CKLF: variants seen among roughly 807,000 people sequenced by gnomAD.
The protein encoded by CKLF is chemokine like factor.
A neutral mutation model predicts 12.9 loss-of-function variants in CKLF; 16 were observed. That is an observed-to-expected ratio of 1.24 (90% CI 0.84 to 1.88). CKLF has a LOEUF of 1.88. Ranked by LOEUF, CKLF falls within the 40% of genes most tolerant of loss-of-function variation. The pLI is 0.00. For missense variants in CKLF, 172 were observed against 188.5 expected (o/e 0.91, Z 0.51); for synonymous variants, 61 against 69.0 (o/e 0.88, Z 0.57).
rs1056817258 is a variant in CKLF, at chr16:66,563,217, G to A, written c.333G>A (p.Gly111=). The A allele has an allele frequency of 6.2e-7, 1 of 1,612,572 alleles. No homozygotes were observed. Among genetic ancestry groups the A allele is most frequent in the Non-Finnish European group, 8.5e-7 (1 of 1,179,674 alleles). The change falls in exon 3 of 4, where the codon GGG becomes GGA. Residue 111 remains glycine (G), a splice_region_variant and synonymous_variant. Coordinates refer to ENST00000264001, the MANE Select transcript of CKLF (RefSeq NM_016951.4). ...CCACAACATTGACAGTTGGTGGAGG[G>A]GTAAGTGGAAGTCTTTCTGCTTGCT... ...PETTTLTVGG[G]VFALVTAVCC... is the part of the protein sequence containing the mutation.
intron 1 of CKLF, among the ~76,000 whole-genome samples, chr16:66,553,719 T>C (rs1325242261): frequency 3.3e-5 from 5 of 152,216 alleles, no homozygotes; most frequent in African/African-American, 9.6e-5. Context: ...AGGAATCTTA[T>C]ATTGGGAGAG....
At chr16:66,554,084 TGG>T (rs1440292739) in intron 1 of CKLF, among the ~76,000 whole-genome samples, 1 of 152,242 alleles carries the variant, frequency 6.6e-6, no homozygotes, top group Non-Finnish European at 1.5e-5. Context: ...CATGTGAGAA[TGG>T]TCCTGTGAGA....
Position 66,552,712 on chromosome 16 carries a change from C to T in CKLF, c.-4C>T. ...AAAGTGCTGCTGCTGGGTCTGCAGA[C>T]GCGATGGATAACGTGCAGCCGAAAA... On this transcript the variant is annotated 5_prime_UTR_variant, in exon 1 of 4. The change creates a new upstream start codon in the 5' untranslated region. Transcript: ENST00000264001. 1 of 1,614,140 alleles carries T rather than the reference C, an allele frequency of 6.2e-7. No homozygotes were observed. Among genetic ancestry groups the T allele is most frequent in the Non-Finnish European group, 8.5e-7 (1 of 1,180,030 alleles).
chr16:66,562,624 A>G (rs1208204024), intron 2 of CKLF, among the ~76,000 whole-genome samples: 1 of 152,228 alleles, frequency 6.6e-6, no homozygotes, highest in Non-Finnish European at 1.5e-5. Context: ...TAGACCAGAT[A>G]CTATCTAGGT....
rs1419086455 is a variant in CKLF, at chr16:66,552,681, T to G, written c.-35T>G. 1.9e-6 allele frequency: 3 copies of G among 1,613,812 alleles called. No individual in the cohort carries two copies. The highest frequency in any genetic ancestry group is 2.5e-6 in the Non-Finnish European group (3 of 1,179,954). ...ACTCAGGCAGCCAGCTGAGAAGAGT[T>G]GAGGGAAAGTGCTGCTGCTGGGTCT... is the stretch of plus-strand genomic sequence containing the variant. On this transcript the variant is annotated 5_prime_UTR_variant, in exon 1 of 4. Coordinates refer to ENST00000264001, the MANE Select transcript of CKLF (RefSeq NM_016951.4).
At chr16:66,552,891 A>G (rs775738114) in intron 1 of CKLF, 98 bp downstream of exon 1, 37 of 1,565,224 alleles carry the variant, frequency 2.4e-5, no homozygotes, top group African/African-American at 1.2e-4. Flanking sequence ...TTGCTTTTCA[A>G]CCTCGCTTTG....
chr16:66,560,392 T>G (rs1397754966), intron 2 of CKLF, among the ~76,000 whole-genome samples: 1 of 152,102 alleles, frequency 6.6e-6, no homozygotes, highest in Admixed American at 6.5e-5. Flanking sequence ...AGTAGCATGA[T>G]CAGATGATCA....
At position 66,558,277 on chromosome 16, in the gene CKLF, A is replaced by G. The variant is rs767635041; in HGVS notation, c.166A>G (p.Ile56Val). The G allele has an allele frequency of 3.7e-6, 6 of 1,613,734 alleles. No individual in the cohort carries two copies. In the East Asian group the frequency reaches 1.3e-4, roughly 36 times the overall value. ...TATCACTGGATTTGAAGTCACCGTT[A>G]TCTTATTTTTCATACTTTTATATGT... ...IVITGFEVTV[I>V]LFFILLYVLR... Residue 56 changes from isoleucine (I) to valine (V), a missense_variant, in exon 2 of 4, where the codon ATC becomes GTC. Coordinates refer to ENST00000264001, the MANE Select transcript of CKLF (RefSeq NM_016951.4).
intron 3 of CKLF, among the ~76,000 whole-genome samples, chr16:66,564,268 G>A (rs2011972409): frequency 6.6e-6 from 1 of 152,134 alleles, no homozygotes. Context: ...CTAGCCACAT[G>A]GGGCTACTGA....
chr16:66,565,932 T>G lies in CKLF; in HGVS notation c.380T>G (p.Leu127Arg), dbSNP rs754689025. 6.2e-7 allele frequency: 1 copy of G among 1,614,132 alleles called. No individual in the cohort carries two copies. The highest frequency in any genetic ancestry group is 8.5e-7 in the Non-Finnish European group (1 of 1,179,962). The part of the protein sequence containing the change: ...TAVCCLADGA[L>R]IYRKLLFNPS... Reference sequence around the variant, plus strand: ...GTATGCTGTCTTGCCGACGGGGCCCTTATTTACCGGAAGCTTCTGTTCAAT... The same window carrying G: ...GTATGCTGTCTTGCCGACGGGGCCCGTATTTACCGGAAGCTTCTGTTCAAT... Residue 127 changes from leucine to arginine, a missense_variant, in exon 4 of 4, where the codon CTT becomes CGT. Transcript: ENST00000264001.
At chr16:66,559,589 T>A (rs951738611) in intron 2 of CKLF, among the ~76,000 whole-genome samples, 1 of 152,238 alleles carries the variant, frequency 6.6e-6, no homozygotes, top group Admixed American at 6.5e-5. Context: ...ACACTCTGCT[T>A]CTCTAGAGTT....
chr16:66,565,849 C>T, intron 3 of CKLF, 37 bp from the exon 4 acceptor site: 4 of 1,607,262 alleles, frequency 2.5e-6, no homozygotes, highest in Non-Finnish European at 3.4e-6. Context: ...GGAGTGGGGA[C>T]CATGGTTAGG....
In CKLF at chr16:66,558,316, C is replaced by G. The variant is rs533965480; in HGVS notation, c.205C>G (p.Arg69Gly). The part of the protein sequence containing the change: ...FILLYVLRLD[R>G]LMKWLFWPLL... Reference sequence around the variant, plus strand: ...ACTTTTATATGTACTCAGACTTGATCGATTAATGAAGTGGTTATTTTGGCC... The same window carrying G: ...ACTTTTATATGTACTCAGACTTGATGGATTAATGAAGTGGTTATTTTGGCC... Residue 69 changes from arginine (R) to glycine (G), a missense_variant, in exon 2 of 4, where the codon CGA (arginine) becomes GGA (glycine). Arg to Gly is a moderately radical substitution (Grantham distance 125). Coordinates refer to ENST00000264001, the MANE Select transcript of CKLF (RefSeq NM_016951.4). The G allele has an allele frequency of 6.2e-5, 99 of 1,608,390 alleles. 3 individuals are homozygous for G. The South Asian group carries it at 1.1e-3, about 18-fold the overall frequency.
At chr16:66,556,649 T>G (rs1475560268) in intron 1 of CKLF, among the ~76,000 whole-genome samples, 1 of 152,046 alleles carries the variant, frequency 6.6e-6, no homozygotes, top group Non-Finnish European at 1.5e-5. Flanking sequence ...TCCAATAGAG[T>G]AATTGGAGTA....
chr16:66,564,243 T>G (rs550881560), intron 3 of CKLF, among the ~76,000 whole-genome samples: 1 of 152,204 alleles, frequency 6.6e-6, no homozygotes, highest in Non-Finnish European at 1.5e-5. Context: ...CTATTCAGTA[T>G]AGTAACCATA....
At chr16:66,556,610 T>C (rs1418404217) in intron 1 of CKLF, among the ~76,000 whole-genome samples, 1 of 152,214 alleles carries the variant, frequency 6.6e-6, no homozygotes, top group Non-Finnish European at 1.5e-5. Context: ...TGGCCCTTCA[T>C]TTCATAATCT....
chr16:66,552,919 A>C, intron 1 of CKLF, 126 bp downstream of exon 1: 1 of 1,336,420 alleles, frequency 7.5e-7, no homozygotes, highest in South Asian at 1.2e-5. Context: ...TTGAAAGGCA[A>C]GGCATGGCCT....
chr16:66,557,293 G>C (rs989888564), intron 1 of CKLF, among the ~76,000 whole-genome samples: 1 of 152,022 alleles, frequency 6.6e-6, no homozygotes, highest in Non-Finnish European at 1.5e-5. Context: ...TCAGCCACCC[G>C]AGTAGCTGGG....
intron 1 of CKLF, among the ~76,000 whole-genome samples, chr16:66,557,061 T>C (rs888631266): frequency 4.6e-5 from 7 of 152,236 alleles, no homozygotes; most frequent in South Asian, 2.1e-4. Context: ...TGTTTTTTTT[T>C]CCACTTAAAA....
Sources: gnomAD v4.1 joint callset for allele counts (sites outside exome capture counted in the v4.1 genomes callset) on GRCh38, gnomAD v4.1.1 for gene constraint, MANE v1.5 for transcripts, NCBI Gene and HGNC (gene_info 2026-07-23, HGNC 2026-07-21) for gene names.